The following SEM1 variants were observed in gnomAD, a reference collection of about 807,000 sequenced individuals.
SEM1 encodes the protein SEM1 26S proteasome subunit, also known as 26S proteasome complex subunit SEM1.
SEM1 carries 3 observed loss-of-function variants against 12.7 expected under a neutral mutation model. The observed-to-expected ratio is 0.24, with a 90% CI of 0.11 to 0.61. The LOEUF (loss-of-function observed/expected upper bound fraction) is 0.61. SEM1 is among the 20% of genes least tolerant of loss of function. SEM1 has a pLI of 0.88. For missense variants in SEM1, 59 were observed against 81.3 expected, an observed-to-expected ratio of 0.73 and a Z score of 1.06; for synonymous variants, 30 against 27.8, an observed-to-expected ratio of 1.08 and a Z score of -0.25.
chr7:96,545,220 T>C (rs1805070946), intron 2 of SEM1, among the ~76,000 whole-genome samples: 1 of 151,808 alleles, frequency 6.6e-6, no homozygotes, highest in African/African-American at 2.4e-5. Context: ...GGTTGTGGAG[T>C]TGTATGGGTG....
At chr7:96,613,598 A>G (rs1342750709) in intron 2 of SEM1, among the ~76,000 whole-genome samples, 1 of 152,220 alleles carries the variant, frequency 6.6e-6, no homozygotes, top group Non-Finnish European at 1.5e-5. Flanking sequence ...ATACATTATT[A>G]TTAACTATAG....
intron 2 of SEM1, chr7:96,645,907 T>C (rs1808776634): frequency 7.5e-6 from 3 of 398,276 alleles, no homozygotes; most frequent in East Asian, 7.1e-5. Context: ...GAATGCCATC[T>C]TTTATGGGTA....
chr7:96,631,342 T>C (rs1808252471), intron 2 of SEM1, among the ~76,000 whole-genome samples: 1 of 152,128 alleles, frequency 6.6e-6, no homozygotes, highest in Admixed American at 6.5e-5. Flanking sequence ...GATTAAATGC[T>C]CCCTCCATGG....
chr7:96,590,477 C>T (rs1806794794), intron 2 of SEM1, among the ~76,000 whole-genome samples: 1 of 152,082 alleles, frequency 6.6e-6, no homozygotes, highest in Admixed American at 6.6e-5. Context: ...ACAGAAAAAC[C>T]AGTTATATAT....
intron 2 of SEM1, among the ~76,000 whole-genome samples, chr7:96,667,609 G>GT (rs144169649): frequency 6.6e-6 from 1 of 152,142 alleles, no homozygotes; most frequent in Admixed American, 6.5e-5. Flanking sequence ...ATTCAGGGAT[G>GT]TTTTTTCTCT....
chr7:96,562,887 A>G (rs1302298138), intron 2 of SEM1, among the ~76,000 whole-genome samples: 2 of 152,310 alleles, frequency 1.3e-5, no homozygotes, highest in South Asian at 2.1e-4. Context: ...TCATCCTCCA[A>G]TAGCTTTCCT....
At chr7:96,563,354 G>GA (rs1423175736) in intron 2 of SEM1, among the ~76,000 whole-genome samples, 17 of 151,308 alleles carry the variant, frequency 1.1e-4, no homozygotes, top group Admixed American at 2.0e-4. Context: ...GAGGTTTGGG[G>GA]GAAAAAAAGG....
chr7:96,609,535 CA>C (rs1461923057), intron 2 of SEM1, among the ~76,000 whole-genome samples: 5 of 152,084 alleles, frequency 3.3e-5, no homozygotes, highest in African/African-American at 7.2e-5. Context: ...AGAGAATTTC[CA>C]GAGAGTCATA....
At chr7:96,533,850 G>A (rs1241116626) in intron 2 of SEM1, among the ~76,000 whole-genome samples, 1 of 152,030 alleles carries the variant, frequency 6.6e-6, no homozygotes, top group African/African-American at 2.4e-5. Context: ...AATCAAGGCA[G>A]TGGCACCAAA....
At chr7:96,569,785 A>G (rs1805959832) in intron 2 of SEM1, among the ~76,000 whole-genome samples, 1 of 152,114 alleles carries the variant, frequency 6.6e-6, no homozygotes, top group African/African-American at 2.4e-5. Flanking sequence ...AAGTTAGAAC[A>G]TGAGGTTTTG....
intron 2 of SEM1, among the ~76,000 whole-genome samples, chr7:96,535,702 CAT>C (rs1235834763): frequency 2.0e-5 from 3 of 151,916 alleles, no homozygotes; most frequent in Non-Finnish European, 4.4e-5. Context: ...TTAGTGATAA[CAT>C]GTGGTATTCG....
chr7:96,561,899 A>G (rs1405496706), intron 2 of SEM1, among the ~76,000 whole-genome samples: 1 of 152,174 alleles, frequency 6.6e-6, no homozygotes, highest in Non-Finnish European at 1.5e-5. Context: ...TCTAACTATT[A>G]TTATATATCT....
intron 2 of SEM1, among the ~76,000 whole-genome samples, chr7:96,533,777 C>T (rs1334730016): frequency 6.6e-6 from 1 of 151,954 alleles, no homozygotes; most frequent in Non-Finnish European, 1.5e-5. Flanking sequence ...TTTTTCATTG[C>T]ATCATCATTT....
At chr7:96,593,642 C>A (rs1451416272) in intron 2 of SEM1, among the ~76,000 whole-genome samples, 1 of 152,080 alleles carries the variant, frequency 6.6e-6, no homozygotes, top group Non-Finnish European at 1.5e-5. Context: ...AAACTGCATA[C>A]ACAAATTTAA....
chr7:96,709,823 C>G lies in SEM1; in HGVS notation c.-60G>C. The G allele has an allele frequency of 6.5e-7, 1 of 1,544,874 alleles. No individual in the cohort carries two copies. The highest frequency in any genetic ancestry group is 2.3e-5 in the East Asian group (1 of 44,242). ...CAGAAAAGTTGGAACCCTCACTCTTCCTCAAGGAAACGCCACCGTCACTAC... is the reference window on the plus strand; with the variant it reads ...CAGAAAAGTTGGAACCCTCACTCTTGCTCAAGGAAACGCCACCGTCACTAC... On this transcript the variant is annotated 5_prime_UTR_variant, in exon 1 of 3. Coordinates refer to ENST00000248566, the MANE Select transcript of SEM1 (RefSeq NM_006304.2).
At position 96,617,371 on chromosome 7, in the gene SEM1, G is replaced by A. The variant is rs578222426; in HGVS notation, c.170+77427C>T. On this transcript the variant is annotated intron_variant and NMD_transcript_variant, in intron 2 of 3. Transcript: ENST00000466986. The stretch of plus-strand genomic sequence containing the variant: ...TAGATCATTGTTGTGTAGAAACACT[G>A]CTGATTTCTGTACATTAATTTTGGA... Among the ~76,000 whole-genome samples, 18 of 152,126 alleles carry A rather than the reference G, an allele frequency of 1.2e-4. No homozygotes were observed. In the South Asian group the frequency reaches 1.9e-3, roughly 16 times the overall value.
chr7:96,613,068 A>T (rs1324902575), intron 2 of SEM1, among the ~76,000 whole-genome samples: 1 of 152,240 alleles, frequency 6.6e-6, no homozygotes, highest in Non-Finnish European at 1.5e-5. Flanking sequence ...TCATGGTTGT[A>T]GAGAGAAAAA....
intron 2 of SEM1, among the ~76,000 whole-genome samples, chr7:96,572,340 C>T (rs1402880396): frequency 6.6e-6 from 1 of 152,064 alleles, no homozygotes; most frequent in African/African-American, 2.4e-5. Context: ...AATGTGTTTG[C>T]TCTTGCTTCT....
chr7:96,523,810 A>G (rs1804360696), intron 2 of SEM1, among the ~76,000 whole-genome samples: 1 of 152,098 alleles, frequency 6.6e-6, no homozygotes, highest in African/African-American at 2.4e-5. Context: ...CTTAGCCTCC[A>G]TCACCCCTTG....
Sources: gnomAD v4.1 joint callset for allele counts (sites outside exome capture counted in the v4.1 genomes callset) on GRCh38, gnomAD v4.1.1 for gene constraint, MANE v1.5 for transcripts, NCBI Gene and HGNC (gene_info 2026-07-23, HGNC 2026-07-21) for gene names.